Variants in NRG1 observed in about 807,000 individuals in gnomAD.
The protein encoded by NRG1 is pro-neuregulin-1, membrane-bound isoform.
A neutral mutation model predicts 63.8 loss-of-function variants in NRG1; 18 were observed. The observed-to-expected ratio is 0.28, with a 90% confidence interval of 0.19 to 0.42. The LOEUF is 0.42. Ranked by LOEUF, NRG1 falls within the 10% of genes least tolerant of loss-of-function variation. The pLI, the probability that NRG1 is intolerant of heterozygous loss-of-function variation, is 1.00. For missense variants in NRG1, 762 were observed against 814.7 expected, an observed-to-expected ratio of 0.94 and a Z score of 0.79; for synonymous variants, 302 against 301.3, an observed-to-expected ratio of 1.00 and a Z score of -0.02.
chr8:32,147,048 C>T (rs1191682486), intron 1 of NRG1, among the ~76,000 whole-genome samples: 4 of 152,140 alleles, frequency 2.6e-5, no homozygotes, highest in African/African-American at 9.7e-5. Context: ...TTTCTTCCAT[C>T]TATAGTTCAC....
intron 1 of NRG1, among the ~76,000 whole-genome samples, chr8:32,294,435 C>T (rs1586669477): frequency 1.3e-5 from 2 of 152,114 alleles, no homozygotes; most frequent in Admixed American, 6.5e-5. Flanking sequence ...TTCTCTCCAA[C>T]GGTCCTAAAA....
chr8:32,058,054 C>G (rs1823244801), intron 1 of NRG1, among the ~76,000 whole-genome samples: 1 of 32,910 alleles, frequency 3.0e-5, no homozygotes, highest in South Asian at 0.013. Flanking sequence ...TCCAATTATA[C>G]CGACTTGATC....
At chr8:32,729,253 A>C (rs1823037375) in intron 6 of NRG1, among the ~76,000 whole-genome samples, 1 of 152,212 alleles carries the variant, frequency 6.6e-6, no homozygotes, top group Non-Finnish European at 1.5e-5. Context: ...TTTAGTCTAC[A>C]TATGGTATAT....
intron 5 of NRG1, among the ~76,000 whole-genome samples, chr8:32,649,956 G>T (rs536548626): frequency 6.6e-6 from 1 of 152,122 alleles, no homozygotes. Context: ...AAGGTTACTT[G>T]ATCATTTTAA....
intron 1 of NRG1, among the ~76,000 whole-genome samples, chr8:32,098,248 A>G (rs1830138475): frequency 6.6e-6 from 1 of 152,228 alleles, no homozygotes; most frequent in Non-Finnish European, 1.5e-5. Flanking sequence ...TGATCTGGAC[A>G]GGATAGTTGC....
chr8:31,962,505 G>C (rs1805619602), intron 1 of NRG1, among the ~76,000 whole-genome samples: 1 of 152,208 alleles, frequency 6.6e-6, no homozygotes, highest in East Asian at 1.9e-4. Flanking sequence ...CTCAGTGATG[G>C]CCTGAAAAAT....
intron 1 of NRG1, among the ~76,000 whole-genome samples, chr8:31,657,692 T>C (rs1563262643): frequency 6.6e-6 from 1 of 152,254 alleles, no homozygotes; most frequent in Non-Finnish European, 1.5e-5. Context: ...ACTGAGTTTC[T>C]ATTATGGCTG....
intron 1 of NRG1, among the ~76,000 whole-genome samples, chr8:32,501,412 C>T (rs1218545517): frequency 6.6e-6 from 1 of 152,174 alleles, no homozygotes; most frequent in Non-Finnish European, 1.5e-5. Context: ...GCTTCCCATG[C>T]AATTTAGCAT....
intron 1 of NRG1, among the ~76,000 whole-genome samples, chr8:31,786,590 C>T (rs1000770530): frequency 9.2e-5 from 14 of 152,190 alleles, no homozygotes; most frequent in Non-Finnish European, 1.8e-4. Flanking sequence ...GTCTGTGCTT[C>T]CAGCCAGCTG....
chr8:31,938,540 T>C (rs1037012480), intron 1 of NRG1, among the ~76,000 whole-genome samples: 13 of 152,076 alleles, frequency 8.5e-5, no homozygotes, highest in Non-Finnish European at 1.8e-4. Context: ...TCACCAGCAA[T>C]GGATCCAAAC....
At chr8:32,714,528 A>G (rs547583484) in intron 5 of NRG1, among the ~76,000 whole-genome samples, 2 of 152,318 alleles carry the variant, frequency 1.3e-5, no homozygotes, top group South Asian at 4.1e-4. Context: ...CAAATGGGGG[A>G]AAAAATAATG....
intron 1 of NRG1, among the ~76,000 whole-genome samples, chr8:31,667,032 A>G (rs767026119): frequency 7.8e-4 from 119 of 152,210 alleles, no homozygotes; most frequent in Non-Finnish European, 1.0e-3. Context: ...GTCACAGTGG[A>G]GAGCAGGCTG....
intron 1 of NRG1, chr8:32,099,525 G>A (rs779849832): frequency 2.6e-5 from 4 of 152,164 alleles, no homozygotes; most frequent in African/African-American, 4.8e-5. Flanking sequence ...CCATCTGATC[G>A]AAGATGGAGA....
chr8:31,656,189 T>G (rs984178529), intron 1 of NRG1, among the ~76,000 whole-genome samples: 7 of 152,114 alleles, frequency 4.6e-5, no homozygotes, highest in Non-Finnish European at 1.0e-4. Flanking sequence ...CAGCCACCTT[T>G]AAAGGTGAGG....
chr8:31,682,910 G>C (rs1311488226), intron 1 of NRG1, among the ~76,000 whole-genome samples: 1 of 152,094 alleles, frequency 6.6e-6, no homozygotes, highest in Non-Finnish European at 1.5e-5. Flanking sequence ...CTTATCTCAG[G>C]GGAACCCCCA....
intron 1 of NRG1, among the ~76,000 whole-genome samples, chr8:31,697,896 C>CTT (rs5890596): frequency 2.0e-3 from 284 of 143,174 alleles, no homozygotes; most frequent in African/African-American, 3.4e-3. Context: ...CTCTTTCTTT[C>CTT]TTTTTTTTTT....
intron 1 of NRG1, among the ~76,000 whole-genome samples, chr8:32,180,873 T>C: frequency 6.6e-6 from 1 of 152,118 alleles, no homozygotes; most frequent in East Asian, 1.9e-4. Context: ...CAATTGAAGT[T>C]GTGTGCCCTT....
At chr8:32,424,825 A>G (rs1817143352) in intron 1 of NRG1, among the ~76,000 whole-genome samples, 1 of 152,146 alleles carries the variant, frequency 6.6e-6, no homozygotes, top group Non-Finnish European at 1.5e-5. Flanking sequence ...CTGCCACTGC[A>G]CTCCAGCCTG....
intron 1 of NRG1, among the ~76,000 whole-genome samples, chr8:32,084,623 G>A (rs1827955662): frequency 6.6e-6 from 1 of 152,144 alleles, no homozygotes; most frequent in Non-Finnish European, 1.5e-5. Flanking sequence ...GAAACTTTGT[G>A]ATAGGTAAGA....
Sources: gnomAD v4.1 joint callset for allele counts (sites outside exome capture counted in the v4.1 genomes callset) on GRCh38, gnomAD v4.1.1 for gene constraint, MANE v1.5 for transcripts, NCBI Gene and HGNC (gene_info 2026-07-23, HGNC 2026-07-21) for gene names.